Variants in KCNH5 observed in about 807,000 individuals in gnomAD.
KCNH5 encodes the protein voltage-gated delayed rectifier potassium channel KCNH5.
KCNH5 carries 46 observed loss-of-function variants against 96.1 expected under a neutral mutation model. That is an observed-to-expected ratio of 0.48 (90% CI 0.38 to 0.61). KCNH5 has a LOEUF of 0.61. Ranked by LOEUF, KCNH5 falls within the 20% of genes least tolerant of loss-of-function variation. The probability of loss-of-function intolerance (pLI) is 0.00; values close to 1 mark genes in which losing one functional copy is unlikely to be tolerated. For synonymous variants in KCNH5, 439 were observed against 449.8 expected, an observed-to-expected ratio of 0.98 and a Z score of 0.30; for missense variants, 907 against 1,225.8, an observed-to-expected ratio of 0.74 and a Z score of 3.88.
At chr14:62,801,165 A>G (rs778196829) in intron 9 of KCNH5, among the ~76,000 whole-genome samples, 2 of 151,932 alleles carry the variant, frequency 1.3e-5, no homozygotes, top group Non-Finnish European at 2.9e-5. Context: ...TTTTCATTAT[A>G]TTGTGGTGGA....
chr14:62,812,291 C>T (rs745536315), intron 8 of KCNH5, among the ~76,000 whole-genome samples: 2 of 152,138 alleles, frequency 1.3e-5, no homozygotes, highest in Admixed American at 6.6e-5. Context: ...ATAGAACAGC[C>T]TAAATTTCAT....
Position 62,950,074 on chromosome 14 carries a change from T to C in KCNH5, c.1369+59A>G, listed in dbSNP as rs754523796. 2.3e-5 allele frequency: 33 copies of C among 1,464,538 alleles called. No individual in the cohort carries two copies. In the Middle Eastern group the frequency reaches 8.7e-4, roughly 38 times the overall value. The allele number at this position is 1,464,538 out of a possible 1,614,324, so 90.7% of individuals were successfully genotyped here. ...TAGTTCGTTTTCATCCTATCTGAGA[T>C]TGTAGCCAGGAAAATTGCCAATAAC... On this transcript the variant is annotated intron_variant, in intron 7 of 10. Coordinates refer to ENST00000322893, the MANE Select transcript of KCNH5 (RefSeq NM_139318.5).
chr14:62,873,433 A>G (rs1888302011), intron 7 of KCNH5, among the ~76,000 whole-genome samples: 1 of 152,198 alleles, frequency 6.6e-6, no homozygotes, highest in African/African-American at 2.4e-5. Context: ...AGACAAATTC[A>G]TATGATTTAT....
At chr14:62,945,749 T>G (rs1455569961) in intron 7 of KCNH5, among the ~76,000 whole-genome samples, 2 of 151,986 alleles carry the variant, frequency 1.3e-5, no homozygotes, top group Non-Finnish European at 2.9e-5. Context: ...TGAATTCGGG[T>G]CATAGGTCAG....
chr14:62,841,012 C>A (rs1365019757), intron 8 of KCNH5, among the ~76,000 whole-genome samples: 2 of 151,750 alleles, frequency 1.3e-5, no homozygotes, highest in Non-Finnish European at 2.9e-5. Context: ...AGTGGATTTT[C>A]AGTACTGAAT....
At chr14:63,003,656 T>G (rs1343522202) in intron 3 of KCNH5, among the ~76,000 whole-genome samples, 1 of 139,204 alleles carries the variant, frequency 7.2e-6, no homozygotes, top group Non-Finnish European at 1.5e-5. Flanking sequence ...GTCTCACTCT[T>G]TCGTCCAGGC....
intron 8 of KCNH5, among the ~76,000 whole-genome samples, chr14:62,848,151 C>T (rs1887735013): frequency 6.6e-6 from 1 of 152,158 alleles, no homozygotes; most frequent in African/African-American, 2.4e-5. Context: ...ATTGCATTTT[C>T]TGGAAAGGAA....
intron 10 of KCNH5, among the ~76,000 whole-genome samples, chr14:62,769,179 C>A (rs1885931636): frequency 6.6e-6 from 1 of 152,220 alleles, no homozygotes; most frequent in South Asian, 2.1e-4. Context: ...ACTTGTCTTA[C>A]AGTGTTGATT....
At chr14:62,944,163 G>A (rs530762474) in intron 7 of KCNH5, among the ~76,000 whole-genome samples, 2 of 152,252 alleles carry the variant, frequency 1.3e-5, no homozygotes, top group East Asian at 3.9e-4. Context: ...GAAAGGAAAG[G>A]CCATTGAAAA....
intron 6 of KCNH5, among the ~76,000 whole-genome samples, chr14:62,972,941 T>C (rs2139559417): frequency 6.6e-6 from 1 of 152,338 alleles, no homozygotes; most frequent in East Asian, 1.9e-4. Flanking sequence ...ATACTTGTCA[T>C]CATACTTCTG....
chr14:62,981,696 C>T (rs1431362271), intron 5 of KCNH5, among the ~76,000 whole-genome samples: 3 of 152,166 alleles, frequency 2.0e-5, no homozygotes, highest in African/African-American at 7.2e-5. Flanking sequence ...CCCCGGCATC[C>T]CACTGTTGGT....
intron 8 of KCNH5, among the ~76,000 whole-genome samples, chr14:62,835,983 G>T (rs537139363): frequency 1.3e-5 from 2 of 151,784 alleles, no homozygotes; most frequent in Non-Finnish European, 2.9e-5. Context: ...GAATTCTGCC[G>T]AATTTAGATT....
At chr14:62,884,452 G>A (rs566268806) in intron 7 of KCNH5, among the ~76,000 whole-genome samples, 5 of 152,226 alleles carry the variant, frequency 3.3e-5, no homozygotes, top group South Asian at 2.1e-4. Flanking sequence ...ACGGTGAAAC[G>A]CTGTCTCTAC....
intron 10 of KCNH5, among the ~76,000 whole-genome samples, chr14:62,762,184 C>T (rs1360751690): frequency 6.6e-6 from 1 of 152,086 alleles, no homozygotes; most frequent in Non-Finnish European, 1.5e-5. Flanking sequence ...GACACCCGTT[C>T]CCCAAGGCTC....
intron 10 of KCNH5, among the ~76,000 whole-genome samples, chr14:62,766,381 G>A (rs187942983): frequency 3.3e-5 from 5 of 152,234 alleles, no homozygotes; most frequent in South Asian, 2.1e-4. Context: ...GCACTCCTAT[G>A]TTTTTTGCAG....
rs117523567 is a variant in KCNH5 at position 62,965,500 on chromosome 14, T to C, written c.943-14941A>G. ...AGGTTATGATGCAGCATGAAAACCC[T>C]CATCAGAATCCAGGGCCATGCTCTT... On this transcript the variant is annotated intron_variant, in intron 6 of 10. Transcript: ENST00000322893. Among the ~76,000 whole-genome samples the C allele has an allele frequency of 1.3e-3, 203 of 152,252 alleles. 1 individual carries two copies. In the Middle Eastern group the frequency reaches 0.031, roughly 23 times the overall value.
intron 8 of KCNH5, among the ~76,000 whole-genome samples, chr14:62,817,617 T>C (rs1887015121): frequency 6.7e-6 from 1 of 150,292 alleles, no homozygotes. Flanking sequence ...ATGTCGATTA[T>C]ATTTATTATG....
chr14:62,728,710 A>G (rs1338134451), intron 10 of KCNH5, among the ~76,000 whole-genome samples: 1 of 152,136 alleles, frequency 6.6e-6, no homozygotes, highest in Non-Finnish European at 1.5e-5. Context: ...CATTTTCTTC[A>G]TTTTTAAAAG....
At chr14:62,941,770 G>A (rs899500616) in intron 7 of KCNH5, among the ~76,000 whole-genome samples, 1 of 152,100 alleles carries the variant, frequency 6.6e-6, no homozygotes. Context: ...AATACCTGAA[G>A]TCGCATATTA....
Sources: gnomAD v4.1 joint callset for allele counts (sites outside exome capture counted in the v4.1 genomes callset) on GRCh38, gnomAD v4.1.1 for gene constraint, MANE v1.5 for transcripts, NCBI Gene and HGNC (gene_info 2026-07-23, HGNC 2026-07-21) for gene names.